The following CCDC171 variants were observed in gnomAD, a reference collection of about 807,000 sequenced individuals.
The protein encoded by CCDC171 is coiled-coil domain containing 171.
Under a neutral mutation model 168.2 loss-of-function variants are expected in CCDC171, and 177 were observed. That is an observed-to-expected ratio of 1.05 (90% CI 0.93 to 1.19). CCDC171 has a LOEUF of 1.19. Ranked by LOEUF, CCDC171 falls within the 50% of genes most tolerant of loss-of-function variation. The pLI is 0.00. For missense variants in CCDC171, 1,991 were observed against 1,539.0 expected (o/e 1.29, Z -4.91); for synonymous variants, 687 against 540.8 (o/e 1.27, Z -3.75).
In CCDC171 at chr9:15,571,729, G is replaced by A. The variant is rs767158653; in HGVS notation, c.147G>A (p.Lys49=). 43 of 1,590,052 alleles carry A rather than the reference G, an allele frequency of 2.7e-5. No individual in the cohort carries two copies. The South Asian group carries it at 4.9e-4, about 18-fold the overall frequency. ...RKKLHWAKKE[K]LEITTKHNAE... ...AACTCCATTGGGCTAAAAAAGAAAAGTTAGAAATAACAACCAAACACAATG... is the reference window on the plus strand; with the variant it reads ...AACTCCATTGGGCTAAAAAAGAAAAATTAGAAATAACAACCAAACACAATG... The change falls in exon 3 of 26, where the codon AAG becomes AAA. Residue 49 remains lysine (K), a synonymous_variant. Transcript: ENST00000380701.
At chr9:15,701,577 A>ATTTT (rs71304894) in intron 11 of CCDC171, among the ~76,000 whole-genome samples, 6 of 122,106 alleles carry the variant, frequency 4.9e-5, no homozygotes, top group East Asian at 2.3e-4. Context: ...GTACAATTCC[A>ATTTT]TTTTTTTTTT....
chr9:15,696,332 T>C (rs1242691921), intron 11 of CCDC171, among the ~76,000 whole-genome samples: 2 of 152,210 alleles, frequency 1.3e-5, no homozygotes, highest in African/African-American at 4.8e-5. Flanking sequence ...AGAAATGTAG[T>C]GTGCTTTGCT....
intron 23 of CCDC171, among the ~76,000 whole-genome samples, chr9:15,865,785 AT>A (rs1314050735): frequency 1.3e-5 from 2 of 151,430 alleles, no homozygotes; most frequent in African/African-American, 4.9e-5. Context: ...TTACACATGG[AT>A]TTTCAACTCT....
At chr9:15,574,675 G>A (rs2040496480) in intron 3 of CCDC171, among the ~76,000 whole-genome samples, 1 of 152,222 alleles carries the variant, frequency 6.6e-6, no homozygotes, top group Admixed American at 6.5e-5. Context: ...CAGGAAGCAA[G>A]GCAGAGAGGA....
intron 11 of CCDC171, among the ~76,000 whole-genome samples, chr9:15,702,575 T>G (rs1292450964): frequency 6.6e-6 from 1 of 152,132 alleles, no homozygotes; most frequent in East Asian, 1.9e-4. Flanking sequence ...AGAGTCAGCC[T>G]GTCTTTGAAG....
At chr9:15,680,798 G>T (rs1246493390) in intron 10 of CCDC171, among the ~76,000 whole-genome samples, 1 of 152,102 alleles carries the variant, frequency 6.6e-6, no homozygotes, top group Non-Finnish European at 1.5e-5. Context: ...ATATATCAGG[G>T]TCATTGAGCT....
Position 15,768,435 on chromosome 9 carries a change from C to G in CCDC171, c.2672-9165C>G, listed in dbSNP as rs535746074. The stretch of plus-strand genomic sequence containing the variant: ...TGCTGTGGTCTTAGCTCATTTTTTA[C>G]ATGTGTTACTAACCTGCTAGTGGGT... On this transcript the variant is annotated intron_variant, in intron 18 of 25. Transcript: ENST00000380701. 5.3e-5 allele frequency among the ~76,000 whole-genome samples: 8 copies of G among 152,212 alleles called. No individual in the cohort carries two copies. The South Asian group carries it at 1.7e-3, about 32-fold the overall frequency.
intron 24 of CCDC171, among the ~76,000 whole-genome samples, chr9:15,898,213 A>C (rs971648532): frequency 1.3e-5 from 2 of 152,284 alleles, no homozygotes; most frequent in Non-Finnish European, 2.9e-5. Context: ...ATTTGGTAAG[A>C]GCATAGGCTT....
At chr9:15,616,381 G>C (rs1469393709) in intron 6 of CCDC171, among the ~76,000 whole-genome samples, 1 of 152,020 alleles carries the variant, frequency 6.6e-6, no homozygotes, top group Non-Finnish European at 1.5e-5. Context: ...ACTATGCCTG[G>C]CCTATGATTT....
rs895109726 is a variant in CCDC171 at position 15,874,657 on chromosome 9, A to G, written c.3594A>G (p.Ala1198=). 3.2e-6 allele frequency: 5 copies of G among 1,577,096 alleles called. No individual in the cohort carries two copies. The highest frequency in any genetic ancestry group is 2.6e-6 in the Non-Finnish European group (3 of 1,161,838). The part of the protein sequence containing the change: ...EGLKGGPEVV[A]CQAMIKSFMD... ...TCAAGGGCGGGCCAGAGGTGGTAGC[A>G]TGCCAGGTTAGAGTCTAAATAACAT... Residue 1198 remains alanine, a synonymous_variant, in exon 24 of 26, where the codon GCA becomes GCG. Transcript: ENST00000380701.
intron 23 of CCDC171, among the ~76,000 whole-genome samples, chr9:15,867,199 G>A (rs1477212857): frequency 1.3e-5 from 2 of 152,002 alleles, no homozygotes; most frequent in East Asian, 1.9e-4. Flanking sequence ...GAATGGAATA[G>A]TGTCAAACAG....
intron 4 of CCDC171, among the ~76,000 whole-genome samples, chr9:15,583,618 G>T (rs1024570288): frequency 6.6e-6 from 1 of 151,932 alleles, no homozygotes; most frequent in Non-Finnish European, 1.5e-5. Flanking sequence ...TGGACTTTGG[G>T]GACTCTGTGG....
chr9:16,094,990 TCTC>T, the CCDC171 span, among the ~76,000 whole-genome samples: 11 of 152,130 alleles, frequency 7.2e-5, no homozygotes, highest in Non-Finnish European at 1.3e-4. Flanking sequence ...ACCTGGCCCA[TCTC>T]CTCCTCCTGC....
At chr9:15,959,697 A>G (rs1228091779) in intron 25 of CCDC171, among the ~76,000 whole-genome samples, 1 of 152,168 alleles carries the variant, frequency 6.6e-6, no homozygotes, top group African/African-American at 2.4e-5. Flanking sequence ...GGGCTCTGGC[A>G]GTTGGAGAAG....
At chr9:15,648,625 T>C (rs1231025808) in intron 7 of CCDC171, among the ~76,000 whole-genome samples, 1 of 152,160 alleles carries the variant, frequency 6.6e-6, no homozygotes, top group Non-Finnish European at 1.5e-5. Context: ...GAGAGCCAAC[T>C]CATGAGTGAA....
intron 3 of CCDC171, among the ~76,000 whole-genome samples, chr9:16,014,575 A>T (rs142734318): frequency 1.7e-4 from 26 of 152,316 alleles, no homozygotes; most frequent in African/African-American, 6.0e-4. Flanking sequence ...TATGGCAGCT[A>T]TAGCCTTATG....
intron 21 of CCDC171, among the ~76,000 whole-genome samples, chr9:15,840,892 G>C (rs775940979): frequency 6.6e-6 from 1 of 151,810 alleles, no homozygotes; most frequent in Non-Finnish European, 1.5e-5. Flanking sequence ...AGAACAAATA[G>C]CATTCAATAT....
intron 24 of CCDC171, among the ~76,000 whole-genome samples, chr9:15,913,233 G>A (rs201865358): frequency 4.6e-5 from 7 of 152,054 alleles, no homozygotes; most frequent in Admixed American, 2.6e-4. Context: ...TCAGGGATTC[G>A]ACTTCTTCCT....
intron 6 of CCDC171, among the ~76,000 whole-genome samples, chr9:15,598,189 A>G (rs1431904686): frequency 6.6e-6 from 1 of 151,978 alleles, no homozygotes; most frequent in East Asian, 1.9e-4. Context: ...GCCTTCTTCT[A>G]GCTTTTGAAT....
Sources: allele counts gnomAD v4.1 joint callset (sites outside exome capture counted in the v4.1 genomes callset), GRCh38; gene constraint gnomAD v4.1.1; transcripts MANE v1.5; gene names NCBI Gene and HGNC (gene_info 2026-07-23, HGNC 2026-07-21).